Variants in PARD3B observed in about 807,000 individuals in gnomAD.
The protein encoded by PARD3B is partitioning defective 3 homolog B.
Under a neutral mutation model 130.2 loss-of-function variants are expected in PARD3B, and 103 were observed. That is an observed-to-expected ratio of 0.79 (90% CI 0.67 to 0.93). The LOEUF is 0.93. Ranked by LOEUF, PARD3B falls within the 40% of genes least tolerant of loss-of-function variation. The pLI, the probability that PARD3B is intolerant of heterozygous loss-of-function variation, is 0.00. For synonymous variants in PARD3B, 583 were observed against 553.2 expected (o/e 1.05, Z -0.76); for missense variants, 1,609 against 1,499.2 (o/e 1.07, Z -1.21).
chr2:205,511,445 A>T (rs918671810), intron 21 of PARD3B, among the ~76,000 whole-genome samples: 1 of 152,224 alleles, frequency 6.6e-6, no homozygotes, highest in Non-Finnish European at 1.5e-5. Flanking sequence ...CGAGTTTAGA[A>T]TAGGTTAACT....
intron 4 of PARD3B, chr2:205,103,762 T>C (rs755784812): frequency 1.4e-4 from 138 of 984,378 alleles, no homozygotes; most frequent in Non-Finnish European, 3.5e-5. Context: ...TCTCCTCTGC[T>C]TCTCTGGGTA....
intron 18 of PARD3B, among the ~76,000 whole-genome samples, chr2:205,388,192 A>G (rs575280430): frequency 1.3e-5 from 2 of 152,182 alleles, no homozygotes; most frequent in Admixed American, 1.3e-4. Flanking sequence ...TTAATTATAT[A>G]TACACAACAA....
intron 3 of PARD3B, among the ~76,000 whole-genome samples, chr2:205,022,268 A>G (rs564803896): frequency 6.6e-6 from 1 of 152,312 alleles, no homozygotes; most frequent in South Asian, 2.1e-4. Context: ...TCCAATTTAA[A>G]CATAGTATCT....
intron 18 of PARD3B, among the ~76,000 whole-genome samples, chr2:205,338,658 G>A (rs948070652): frequency 6.6e-6 from 1 of 152,148 alleles, no homozygotes; most frequent in African/African-American, 2.4e-5. Context: ...AATTCTGAAA[G>A]GATGTATAAT....
At chr2:204,705,663 AC>A (rs2038108062) in intron 2 of PARD3B, among the ~76,000 whole-genome samples, 1 of 152,184 alleles carries the variant, frequency 6.6e-6, no homozygotes, top group Admixed American at 6.5e-5. Flanking sequence ...CCACTGACTG[AC>A]TAGATAGTAA....
intron 2 of PARD3B, among the ~76,000 whole-genome samples, chr2:204,692,662 T>C (rs1180145833): frequency 1.3e-5 from 2 of 152,090 alleles, no homozygotes; most frequent in South Asian, 2.1e-4. Flanking sequence ...AGTCTTACTT[T>C]GGTTCATGGG....
intron 2 of PARD3B, among the ~76,000 whole-genome samples, chr2:204,851,717 A>C (rs922136195): frequency 6.6e-6 from 1 of 152,294 alleles, no homozygotes. Flanking sequence ...AAGAAGAATA[A>C]AAACACATGG....
rs1483825067 is a variant in PARD3B, at chr2:205,616,426, A to T, written c.*613A>T. The T allele has an allele frequency of 1.3e-5, 2 of 152,272 alleles. No individual in the cohort carries two copies. The highest frequency in any genetic ancestry group is 2.9e-5 in the Non-Finnish European group (2 of 68,074). The allele number at this position is 152,272 out of a possible 1,614,324, so 9.4% of individuals were successfully genotyped here. ...AAGACTGCATTTATTTGTAGAATTT[A>T]TCAGGTTTCTGATACCACTCATTGG... On this transcript the variant is annotated 3_prime_UTR_variant, in exon 23 of 23. Transcript: ENST00000406610.
At chr2:204,725,475 T>C (rs2039182943) in intron 2 of PARD3B, among the ~76,000 whole-genome samples, 1 of 152,202 alleles carries the variant, frequency 6.6e-6, no homozygotes, top group South Asian at 2.1e-4. Context: ...ATTTTTCTTG[T>C]TGTCATTTGA....
chr2:205,205,699 A>C (rs892375114), intron 15 of PARD3B, among the ~76,000 whole-genome samples: 3 of 152,182 alleles, frequency 2.0e-5, no homozygotes, highest in Non-Finnish European at 4.4e-5. Flanking sequence ...ATCTGTTGAG[A>C]TAATCATGTG....
At chr2:205,510,855 A>G (rs2050561780) in intron 21 of PARD3B, among the ~76,000 whole-genome samples, 2 of 152,272 alleles carry the variant, frequency 1.3e-5, no homozygotes, top group African/African-American at 2.4e-5. Context: ...TCTGCCTTAT[A>G]TAAGCTATTC....
chr2:204,706,801 A>G (rs920097955), intron 2 of PARD3B, among the ~76,000 whole-genome samples: 17 of 152,206 alleles, frequency 1.1e-4, no homozygotes, highest in African/African-American at 3.9e-4. Context: ...CACTCCTCAT[A>G]TGGTCTTTGG....
chr2:205,166,662 G>T (rs10175636), intron 11 of PARD3B, among the ~76,000 whole-genome samples: 3 of 151,836 alleles, frequency 2.0e-5, no homozygotes, highest in African/African-American at 7.3e-5. Flanking sequence ...TTTTTGGGGG[G>T]TTTGATTTGT....
chr2:204,779,401 G>T (rs1249487441), intron 2 of PARD3B, among the ~76,000 whole-genome samples: 1 of 152,086 alleles, frequency 6.6e-6, no homozygotes, highest in Non-Finnish European at 1.5e-5. Context: ...TGGTCATAGG[G>T]GTCATTAAGA....
chr2:205,075,821 T>C (rs1701022225), intron 4 of PARD3B, among the ~76,000 whole-genome samples: 1 of 152,090 alleles, frequency 6.6e-6, no homozygotes, highest in South Asian at 2.1e-4. Context: ...TTGCTTTGTA[T>C]TGTACCATTC....
intron 20 of PARD3B, among the ~76,000 whole-genome samples, chr2:205,468,970 T>C (rs967469036): frequency 2.6e-5 from 4 of 152,008 alleles, no homozygotes; most frequent in Admixed American, 2.6e-4. Context: ...CCTCTATCTT[T>C]TTTTTTTTTT....
intron 18 of PARD3B, among the ~76,000 whole-genome samples, chr2:205,375,351 C>A (rs2044999654): frequency 6.6e-6 from 1 of 152,108 alleles, no homozygotes; most frequent in African/African-American, 2.4e-5. Context: ...CTCATTCATT[C>A]CTTAAGAGAA....
At chr2:204,713,532 T>G (rs951618710) in intron 2 of PARD3B, among the ~76,000 whole-genome samples, 120 of 152,088 alleles carry the variant, frequency 7.9e-4, no homozygotes, top group African/African-American at 2.8e-3. Flanking sequence ...CAACTCAAGC[T>G]CTGTGCCCAT....
chr2:205,206,247 G>T, intron 15 of PARD3B, among the ~76,000 whole-genome samples: 1 of 138,150 alleles, frequency 7.2e-6, no homozygotes, highest in Admixed American at 7.4e-5. Context: ...TTAAGTTTTA[G>T]GGTACATGTG....
Sources: gnomAD v4.1 joint callset for allele counts (sites outside exome capture counted in the v4.1 genomes callset) on GRCh38, gnomAD v4.1.1 for gene constraint, MANE v1.5 for transcripts, NCBI Gene and HGNC (gene_info 2026-07-23, HGNC 2026-07-21) for gene names.